Variants in CECR2 observed in about 807,000 individuals in gnomAD.
CECR2 encodes CECR2 histone acetyl-lysine reader, also known as chromatin remodeling regulator CECR2.
A neutral mutation model predicts 154.5 loss-of-function variants in CECR2; 30 were observed. The observed-to-expected ratio is 0.19, with a 90% CI of 0.15 to 0.26. The LOEUF (loss-of-function observed/expected upper bound fraction) is 0.26, where lower values mean the gene tolerates loss of function less well. CECR2 is among the 10% of genes least tolerant of loss of function. The pLI is 1.00. For missense variants in CECR2, 1,743 were observed against 1,829.3 expected (o/e 0.95, Z 0.86); for synonymous variants, 725 against 683.7 (o/e 1.06, Z -0.94).
intron 3 of CECR2, among the ~76,000 whole-genome samples, chr22:17,498,094 G>C: frequency 6.6e-6 from 1 of 152,184 alleles, no homozygotes; most frequent in Non-Finnish European, 1.5e-5. Context: ...CTGTTTAGAA[G>C]TATATCCTAG....
At chr22:17,485,326 A>T (rs2055401060) in intron 2 of CECR2, among the ~76,000 whole-genome samples, 1 of 152,332 alleles carries the variant, frequency 6.6e-6, no homozygotes, top group South Asian at 2.1e-4. Context: ...TGTCAATGAG[A>T]AGTACAGGAG....
intron 14 of CECR2, among the ~76,000 whole-genome samples, 183 bp from the exon 15 acceptor site, chr22:17,541,656 T>TC (rs1309488705): frequency 1.3e-5 from 2 of 152,186 alleles, no homozygotes; most frequent in Non-Finnish European, 2.9e-5. Context: ...GGAAGTTGCT[T>TC]CAGGCTCATA....
chr22:17,554,075 G>A lies in CECR2; in HGVS notation c.*1235G>A, dbSNP rs2146169890. ...AATAGCTATCAAGAACAAGTTCTTG[G>A]AATTATCTGTTGTATCTGTGATAGG... On this transcript the variant is annotated 3_prime_UTR_variant, in exon 19 of 19. Transcript: ENST00000262608. 1 of 152,248 alleles carries A rather than the reference G, an allele frequency of 6.6e-6. No individual in the cohort carries two copies. 9.4% of individuals were successfully genotyped at this position (152,248 alleles called of 1,614,324 possible). A position where few individuals can be genotyped will look rare whatever the true frequency, so the allele number is the denominator to read the frequency against.
rs112547149 is a variant in CECR2, at chr22:17,526,194, G to A, written c.1108+1923G>A. Among the ~76,000 whole-genome samples the A allele has an allele frequency of 3.0e-3, 451 of 152,154 alleles. 1 individual carries two copies. Among genetic ancestry groups the A allele is most frequent in the Non-Finnish European group, 4.4e-3 (297 of 68,004 alleles). On this transcript the variant is annotated intron_variant, in intron 9 of 18. Transcript: ENST00000262608. ...ATGGACCCACAAAAGACCCAGAATA[G>A]GCAAAGCTATCCTAAGCAAAAATAA... is the stretch of plus-strand genomic sequence containing the variant.
intron 16 of CECR2, among the ~76,000 whole-genome samples, chr22:17,545,957 T>C (rs894916676): frequency 6.6e-6 from 1 of 151,562 alleles, no homozygotes; most frequent in Non-Finnish European, 1.5e-5. Context: ...GAGTCTGAAG[T>C]GGAAGGATTG....
chr22:17,523,656 G>A (rs773900374), intron 8 of CECR2, among the ~76,000 whole-genome samples: 1 of 150,580 alleles, frequency 6.6e-6, no homozygotes, highest in African/African-American at 2.4e-5. Context: ...CTTGGGAGTC[G>A]GAGGCAGGAG....
chr22:17,381,956 T>C (rs557734711), intron 1 of CECR2, among the ~76,000 whole-genome samples: 6 of 152,006 alleles, frequency 3.9e-5, no homozygotes, highest in South Asian at 2.1e-4. Context: ...GGCACAATCT[T>C]GGCTCACTGC....
At chr22:17,392,127 G>A (rs1601275707) in intron 1 of CECR2, among the ~76,000 whole-genome samples, 3 of 152,196 alleles carry the variant, frequency 2.0e-5, no homozygotes, top group Admixed American at 6.5e-5. Context: ...AATGTTTTTT[G>A]TTTAAAAAAA....
intron 18 of CECR2, among the ~76,000 whole-genome samples, 200 bp downstream of exon 18, chr22:17,552,342 G>C (rs779512322): frequency 3.3e-5 from 5 of 152,126 alleles, no homozygotes; most frequent in Non-Finnish European, 7.4e-5. Flanking sequence ...TTTTCTTATT[G>C]TGATATGGAA....
At chr22:17,478,891 C>T (rs184445077) in intron 2 of CECR2, among the ~76,000 whole-genome samples, 1 of 152,186 alleles carries the variant, frequency 6.6e-6, no homozygotes, top group African/African-American at 2.4e-5. Flanking sequence ...ATAAAATATA[C>T]CTTAGAATAT....
intron 1 of CECR2, among the ~76,000 whole-genome samples, chr22:17,362,896 C>T (rs1188100904): frequency 5.3e-5 from 6 of 112,576 alleles, no homozygotes; most frequent in Non-Finnish European, 9.2e-5. Context: ...AGCGAAACTC[C>T]GTCTCAAAAA....
At position 17,542,287 on chromosome 22, in the gene CECR2, G is replaced by A; in HGVS notation, c.2144G>A (p.Ser715Asn). The change falls in exon 16 of 19, where the codon AGT becomes AAT. Residue 715 changes from serine (S) to asparagine (N), a missense_variant. Ser to Asn is a conservative substitution (Grantham distance 46, BLOSUM62 1). Transcript: ENST00000262608. The stretch of plus-strand genomic sequence containing the variant: ...GGATCCTTGCAGCTTGGGCAGATAA[G>A]TGGCCCAAGTCAGGATGGAAGCATG... ...HPGSLQLGQISGPSQDGSMYA... is the reference protein window; with the variant it reads ...HPGSLQLGQINGPSQDGSMYA... 1.9e-6 allele frequency: 3 copies of A among 1,611,538 alleles called. No homozygotes were observed. The highest frequency in any genetic ancestry group is 2.2e-5 in the East Asian group (1 of 44,762).
chr22:17,380,985 A>G (rs1206879766), intron 1 of CECR2, among the ~76,000 whole-genome samples: 1 of 147,688 alleles, frequency 6.8e-6, no homozygotes, highest in African/African-American at 2.5e-5. Context: ...TCCATTCCCC[A>G]TTATGTCTCT....
At chr22:17,412,405 C>G (rs898732415) in intron 1 of CECR2, among the ~76,000 whole-genome samples, 2 of 152,250 alleles carry the variant, frequency 1.3e-5, no homozygotes, top group African/African-American at 4.8e-5. Flanking sequence ...CCCGCCCCAC[C>G]CCCACACTCT....
At chr22:17,379,116 C>G (rs1037247026) in intron 1 of CECR2, among the ~76,000 whole-genome samples, 29 of 151,954 alleles carry the variant, frequency 1.9e-4, no homozygotes, top group Non-Finnish European at 3.7e-4. Context: ...GCCACCACAC[C>G]CGGCTAATTT....
chr22:17,501,150 T>C (rs1176277003), intron 5 of CECR2, among the ~76,000 whole-genome samples: 1 of 152,186 alleles, frequency 6.6e-6, no homozygotes, highest in African/African-American at 2.4e-5. Context: ...GTAAATACAC[T>C]TTTTACTTAA....
At chr22:17,364,735 G>A (rs2062993119), upstream of CECR2, among the ~76,000 whole-genome samples, 1 of 152,154 alleles carries the variant, frequency 6.6e-6, no homozygotes, top group Non-Finnish European at 1.5e-5. Flanking sequence ...GCTGAGACAG[G>A]AGAACCGCCT....
chr22:17,372,667 C>T (rs2063074418), intron 1 of CECR2, among the ~76,000 whole-genome samples: 1 of 151,488 alleles, frequency 6.6e-6, no homozygotes, highest in Non-Finnish European at 1.5e-5. Context: ...GACTCTGTCT[C>T]AAAATAAATA....
intron 1 of CECR2, among the ~76,000 whole-genome samples, chr22:17,378,498 G>A (rs761847467): frequency 1.2e-4 from 18 of 152,002 alleles, no homozygotes; most frequent in Non-Finnish European, 1.8e-4. Context: ...GGGTTTCACC[G>A]TGTTAGCCAG....
Sources: gnomAD v4.1 joint callset for allele counts (sites outside exome capture counted in the v4.1 genomes callset) on GRCh38, gnomAD v4.1.1 for gene constraint, MANE v1.5 for transcripts, NCBI Gene and HGNC (gene_info 2026-07-23, HGNC 2026-07-21) for gene names.